Variants in SEC14L5 observed in about 807,000 individuals in gnomAD.
SEC14L5 encodes SEC14 like lipid binding 5.
In SEC14L5, 96 loss-of-function variants were observed where a neutral mutation model predicts 84.6. The ratio of observed to expected loss-of-function variants is 1.13; its 90% CI spans 0.96 to 1.34. The LOEUF (loss-of-function observed/expected upper bound fraction) is 1.34. Ranked by LOEUF, SEC14L5 falls within the 40% of genes most tolerant of loss-of-function variation. The pLI, the probability that SEC14L5 is intolerant of heterozygous loss-of-function variation, is 0.00. For missense variants in SEC14L5, 1,224 were observed against 942.5 expected (o/e 1.30, Z -3.91); for synonymous variants, 546 against 383.4 (o/e 1.42, Z -4.95).
intron 4 of SEC14L5, among the ~76,000 whole-genome samples, chr16:4,988,644 T>A (rs1005513804): frequency 3.9e-5 from 6 of 152,214 alleles, no homozygotes; most frequent in Admixed American, 2.0e-4. Context: ...ATGCCTCAGT[T>A]TCCTCACGTG....
At chr16:4,958,744 A>G (rs1955084143) in intron 1 of SEC14L5, among the ~76,000 whole-genome samples, 1 of 152,208 alleles carries the variant, frequency 6.6e-6, no homozygotes, top group Non-Finnish European at 1.5e-5. Context: ...AGGCGTGTGC[A>G]AAAGCAGTCC....
chr16:4,964,186 G>C (rs1265432117), intron 2 of SEC14L5, among the ~76,000 whole-genome samples: 2 of 152,208 alleles, frequency 1.3e-5, no homozygotes, highest in Non-Finnish European at 2.9e-5. Context: ...TCCTTGCATA[G>C]AGGACACAAA....
chr16:5,010,958 TG>T, intron 14 of SEC14L5, 136 bp from the exon 15 acceptor site: 1 of 763,498 alleles, frequency 1.3e-6, no homozygotes, highest in Non-Finnish European at 2.1e-6. Flanking sequence ...GAGGAGTTGC[TG>T]GTGGACTGGA....
chr16:4,984,156 C>G (rs1177325253), intron 2 of SEC14L5, among the ~76,000 whole-genome samples: 1 of 152,160 alleles, frequency 6.6e-6, no homozygotes, highest in Non-Finnish European at 1.5e-5. Flanking sequence ...GCTCTGTCTG[C>G]CTTAACCCTC....
intron 2 of SEC14L5, among the ~76,000 whole-genome samples, chr16:4,962,035 C>T (rs746990004): frequency 1.3e-5 from 2 of 151,686 alleles, no homozygotes; most frequent in Non-Finnish European, 2.9e-5. Flanking sequence ...TTATGAGGCG[C>T]ATATAGGCAT....
chr16:5,013,031 A>G (rs1357567553), intron 15 of SEC14L5, among the ~76,000 whole-genome samples: 1 of 151,964 alleles, frequency 6.6e-6, no homozygotes, highest in African/African-American at 2.4e-5. Context: ...AAGGGTCAGG[A>G]GAGAGAGAGA....
At chr16:4,991,609 C>G (rs1052103367) in intron 5 of SEC14L5, among the ~76,000 whole-genome samples, 8 of 152,074 alleles carry the variant, frequency 5.3e-5, no homozygotes, top group Non-Finnish European at 1.2e-4. Context: ...ACCCAAAAAA[C>G]TGATTACTGA....
chr16:4,976,965 C>T (rs1306212070), intron 2 of SEC14L5, among the ~76,000 whole-genome samples: 1 of 152,138 alleles, frequency 6.6e-6, no homozygotes, highest in African/African-American at 2.4e-5. Flanking sequence ...GTTTCCAACA[C>T]AGAAAGGTCC....
At chr16:5,001,488 T>C (rs1226295877) in intron 10 of SEC14L5, among the ~76,000 whole-genome samples, 2 of 152,154 alleles carry the variant, frequency 1.3e-5, no homozygotes, top group African/African-American at 4.8e-5. Context: ...CTCGGTCTCC[T>C]GACCTCGTGA....
At chr16:4,966,879 A>G (rs1955206627) in intron 2 of SEC14L5, among the ~76,000 whole-genome samples, 1 of 152,138 alleles carries the variant, frequency 6.6e-6, no homozygotes, top group Non-Finnish European at 1.5e-5. Context: ...CCCCTTCGGG[A>G]CCCTGCAAGG....
intron 13 of SEC14L5, among the ~76,000 whole-genome samples, chr16:5,007,735 A>G (rs930678897): frequency 6.7e-6 from 1 of 150,208 alleles, no homozygotes; most frequent in Non-Finnish European, 1.5e-5. Context: ...CCTCCCGAGT[A>G]GCTGGGATTA....
intron 8 of SEC14L5, among the ~76,000 whole-genome samples, chr16:4,999,574 C>G (rs528630758): frequency 6.6e-6 from 1 of 151,714 alleles, no homozygotes; most frequent in South Asian, 2.1e-4. Context: ...GAGTCGAGAT[C>G]ATGCCACTGC....
chr16:5,000,379 C>A (rs1955661627), intron 8 of SEC14L5, among the ~76,000 whole-genome samples: 3 of 152,242 alleles, frequency 2.0e-5, no homozygotes, highest in African/African-American at 7.2e-5. Context: ...TTCAAGCAAT[C>A]CTCCTGCCTC....
chr16:5,001,606 C>G (rs1223852057), intron 10 of SEC14L5, among the ~76,000 whole-genome samples: 1 of 152,120 alleles, frequency 6.6e-6, no homozygotes, highest in Non-Finnish European at 1.5e-5. Flanking sequence ...TCTCCCTTGG[C>G]TCTGTCATGG....
In SEC14L5 at chr16:5,008,649, G is replaced by T. The variant is rs749337389; in HGVS notation, c.1800+1G>T. On this transcript the variant is annotated splice_donor_variant, in intron 14 of 15. Coordinates refer to ENST00000251170, the MANE Select transcript of SEC14L5 (RefSeq NM_014692.2). LOFTEE classifies it high-confidence loss of function. ...CTGCCGGGAGGGGGAGAGCATCCAG[G>T]TTTGCATTTTCTGGACCACTCATTC... is the stretch of plus-strand genomic sequence containing the variant. 6.2e-7 allele frequency: 1 copy of T among 1,607,352 alleles called. No individual in the cohort carries two copies. The highest frequency in any genetic ancestry group is 8.5e-7 in the Non-Finnish European group (1 of 1,177,970).
chr16:4,970,771 C>G (rs978014267), intron 2 of SEC14L5, among the ~76,000 whole-genome samples: 1 of 152,132 alleles, frequency 6.6e-6, no homozygotes, highest in Non-Finnish European at 1.5e-5. Context: ...GACACGGCTT[C>G]CCAGCCCAAA....
intron 2 of SEC14L5, among the ~76,000 whole-genome samples, chr16:4,982,974 A>G (rs187025876): frequency 6.6e-6 from 1 of 151,870 alleles, no homozygotes; most frequent in Non-Finnish European, 1.5e-5. Flanking sequence ...TATAAAATAA[A>G]CTCCTTAAAC....
chr16:4,997,034 C>G lies in SEC14L5; in HGVS notation c.960C>G (p.Tyr320Ter). The change falls in exon 8 of 16, where the codon TAC (tyrosine) becomes TAG (stop). Residue 320 changes from tyrosine (Y) to a stop codon, truncating the protein, a stop_gained. Coordinates refer to ENST00000251170, the MANE Select transcript of SEC14L5 (RefSeq NM_014692.2). LOFTEE classifies it high-confidence loss of function. ...LEEFYAGGWH[Y>*]QDIDGRPLYI... Reference sequence around the variant, plus strand: ...AGTTCTATGCAGGGGGCTGGCATTACCAGGACATAGGTGCGTGCCTCCACC... The same window carrying G: ...AGTTCTATGCAGGGGGCTGGCATTAGCAGGACATAGGTGCGTGCCTCCACC... 6.2e-7 allele frequency: 1 copy of G among 1,610,208 alleles called. No homozygotes were observed. Among genetic ancestry groups the G allele is most frequent in the South Asian group, 1.1e-5 (1 of 90,478 alleles).
At chr16:4,970,406 G>C (rs1427990957) in intron 2 of SEC14L5, among the ~76,000 whole-genome samples, 1 of 152,184 alleles carries the variant, frequency 6.6e-6, no homozygotes, top group Non-Finnish European at 1.5e-5. Flanking sequence ...AGCTTAATGG[G>C]ACCCCAGTGC....
Sources: gnomAD v4.1 joint callset for allele counts (sites outside exome capture counted in the v4.1 genomes callset) on GRCh38, gnomAD v4.1.1 for gene constraint, MANE v1.5 for transcripts, NCBI Gene and HGNC (gene_info 2026-07-23, HGNC 2026-07-21) for gene names.